Variants in INPPL1 observed in about 807,000 individuals in gnomAD.
INPPL1 encodes the protein phosphatidylinositol 3,4,5-trisphosphate 5-phosphatase 2.
A neutral mutation model predicts 139.3 loss-of-function variants in INPPL1; 91 were observed. That is an observed-to-expected ratio of 0.65 (90% CI 0.55 to 0.78). INPPL1 has a LOEUF of 0.78. Ranked by LOEUF, INPPL1 falls within the 30% of genes least tolerant of loss-of-function variation. The pLI is 0.00. For synonymous variants in INPPL1, 719 were observed against 686.6 expected (o/e 1.05, Z -0.74); for missense variants, 1,411 against 1,665.6 (o/e 0.85, Z 2.66).
chr11:72,233,209 G>T lies in INPPL1; in HGVS notation c.2040+46G>T, dbSNP rs376563069. The T allele has an allele frequency of 3.9e-6, 6 of 1,543,662 alleles. No individual in the cohort carries two copies. In the East Asian group the frequency reaches 1.1e-4, roughly 29 times the overall value. ...GGGCCTTGGGGGACCGCAGGCCTGC[G>T]ATGAATCAAGAATTTGGGTCAAGGG... On this transcript the variant is annotated intron_variant, in intron 17 of 27. Coordinates refer to ENST00000298229, the MANE Select transcript of INPPL1 (RefSeq NM_001567.4).
At chr11:72,233,400 C>T in intron 17 of INPPL1, 41 bp from the exon 18 acceptor site, 1 of 1,573,746 alleles carries the variant, frequency 6.4e-7, no homozygotes, top group South Asian at 1.1e-5. Context: ...AAGCAGCCTC[C>T]TAGCTGTCAG....
At chr11:72,225,376 T>G in intron 1 of INPPL1, 6 of 985,402 alleles carry the variant, frequency 6.1e-6, no homozygotes, top group Non-Finnish European at 6.0e-6. Context: ...TTCAGGAGCC[T>G]TGAGGGTAGA....
In INPPL1 at chr11:72,227,258, T is replaced by C. The variant is rs1358518692; in HGVS notation, c.183-932T>C. ...GCCTTAGGAAAATCACTTTTATTCTTTGAGCCTGTTTCCTCAGCTGGAGAA... is the reference window on the plus strand; with the variant it reads ...GCCTTAGGAAAATCACTTTTATTCTCTGAGCCTGTTTCCTCAGCTGGAGAA... On this transcript the variant is annotated intron_variant, in intron 1 of 27. Transcript: ENST00000298229. Among the ~76,000 whole-genome samples, 4 of 152,308 alleles carry C rather than the reference T, an allele frequency of 2.6e-5. No homozygotes were observed. The East Asian group carries it at 7.7e-4, about 29-fold the overall frequency.
At chr11:72,227,680 G>A (rs918175120) in intron 1 of INPPL1, among the ~76,000 whole-genome samples, 9 of 152,212 alleles carry the variant, frequency 5.9e-5, no homozygotes, top group Non-Finnish European at 1.2e-4. Flanking sequence ...TTGGTGGGAA[G>A]GCCTAGGGTG....
chr11:72,230,403 G>A lies in INPPL1; in HGVS notation c.1132G>A (p.Gly378Ser). 4 of 1,614,142 alleles carry A rather than the reference G, an allele frequency of 2.5e-6. No homozygotes were observed. Among genetic ancestry groups the A allele is most frequent in the Non-Finnish European group, 2.5e-6 (3 of 1,180,048 alleles). The change falls in exon 10 of 28, where the codon GGT becomes AGT. Residue 378 changes from glycine (G) to serine (S), a missense_variant. Coordinates refer to ENST00000298229, the MANE Select transcript of INPPL1 (RefSeq NM_001567.4). Reference sequence around the variant, plus strand: ...GTCCCAGCGTGTCCAGAACAAGCTGGGTGTTGTGTTTGAGAAGGAGAAGGA... The same window carrying A: ...GTCCCAGCGTGTCCAGAACAAGCTGAGTGTTGTGTTTGAGAAGGAGAAGGA... ...IKSQRVQNKL[G>S]VVFEKEKDRT...
rs759119596 is a variant in INPPL1 at position 72,235,381 on chromosome 11, A to G, written c.2589A>G (p.Thr863=). ...LTFLSHRGEE[T]GNIRGSMKVR... Reference sequence around the variant, plus strand: ...TCCTATCCCACCGTGGCGAGGAGACAGGCAATATCAGAGGCTCCATGAAGG... The same window carrying G: ...TCCTATCCCACCGTGGCGAGGAGACGGGCAATATCAGAGGCTCCATGAAGG... The change falls in exon 23 of 28, where the codon ACA becomes ACG. Residue 863 remains threonine (T), a synonymous_variant. Coordinates refer to ENST00000298229, the MANE Select transcript of INPPL1 (RefSeq NM_001567.4). The surrounding 1 kb of genome is among the most constrained non-coding windows in gnomAD (Gnocchi z 4.9). The G allele has an allele frequency of 3.7e-6, 6 of 1,613,984 alleles. No individual in the cohort carries two copies.
chr11:72,233,429 C>T lies in INPPL1; in HGVS notation c.2041-12C>T. On this transcript the variant is annotated splice_polypyrimidine_tract_variant and intron_variant, in intron 17 of 27. Coordinates refer to ENST00000298229, the MANE Select transcript of INPPL1 (RefSeq NM_001567.4). Reference sequence around the variant, plus strand: ...CTGTCAGCTCTAACCATGCTGCCATCCCCTGCCCCAGGTCCGGACCAATGT... The same window carrying T: ...CTGTCAGCTCTAACCATGCTGCCATTCCCTGCCCCAGGTCCGGACCAATGT... 6.2e-7 allele frequency: 1 copy of T among 1,613,238 alleles called. No homozygotes were observed. Among genetic ancestry groups the T allele is most frequent in the Non-Finnish European group, 8.5e-7 (1 of 1,179,292 alleles).
chr11:72,233,722 C>G lies in INPPL1; in HGVS notation c.2190C>G (p.Thr730=). The G allele has an allele frequency of 6.2e-7, 1 of 1,614,104 alleles. No individual in the cohort carries two copies. Among genetic ancestry groups the G allele is most frequent in the Non-Finnish European group, 8.5e-7 (1 of 1,179,964 alleles). ...PVFGTFEVGV[T]SQFISKKGLS... ...TTGGGACATTTGAGGTTGGAGTTAC[C>G]TCCCAGTTCATCTCCAAGAAAGGTG... The change falls in exon 19 of 28, where the codon ACC becomes ACG. Residue 730 remains threonine (T), a synonymous_variant. Transcript: ENST00000298229.
chr11:72,229,429 G>A (rs543320087), intron 5 of INPPL1, 36 bp from the exon 6 acceptor site: 18 of 1,591,792 alleles, frequency 1.1e-5, no homozygotes, highest in East Asian at 4.5e-5. Context: ...TACTTAGGTC[G>A]GGGTGGGAGT....
rs923420628 is a variant in INPPL1, at chr11:72,224,989, CCTCGG to C, written c.7_11del (p.Ser3LeufsTer70). 5.1e-6 allele frequency: 6 copies of C among 1,181,248 alleles called. No homozygotes were observed. The highest frequency in any genetic ancestry group is 6.3e-6 in the Non-Finnish European group (6 of 955,770). The allele number at this position is 1,181,248 out of a possible 1,614,324, so 73.2% of individuals were successfully genotyped here. A position where few individuals can be genotyped will look rare whatever the true frequency, so the allele number is the denominator to read the frequency against. ...GTGCTGAGCCCTGCGCGGGCCATGG[CCTCGG>C]CCTGCGGGGCGCCGGGCCCGGGGGG... is the stretch of plus-strand genomic sequence containing the variant. On this transcript the variant is annotated frameshift_variant, in exon 1 of 28. Transcript: ENST00000298229. LOFTEE classifies it high-confidence loss of function.
At chr11:72,227,078 C>CT (rs1228865379) in intron 1 of INPPL1, among the ~76,000 whole-genome samples, 1 of 152,178 alleles carries the variant, frequency 6.6e-6, no homozygotes, top group Non-Finnish European at 1.5e-5. Context: ...TACACACATA[C>CT]TTGCTTACCT....
rs780351983 is a variant in INPPL1 at position 72,229,576 on chromosome 11, C to A, written c.753+18C>A. On this transcript the variant is annotated intron_variant, in intron 6 of 27. Transcript: ENST00000298229. ...AGCAGCAGGTAGATTGTAGGGAGAC[C>A]TCTGGGAGGTGCGTTCGTGTTCTGG... is the stretch of plus-strand genomic sequence containing the variant. The A allele has an allele frequency of 3.7e-6, 6 of 1,613,358 alleles. No homozygotes were observed. The highest frequency in any genetic ancestry group is 5.1e-6 in the Non-Finnish European group (6 of 1,179,450).
chr11:72,235,799 G>T lies in INPPL1; in HGVS notation c.2738+46G>T. 6.2e-7 allele frequency: 1 copy of T among 1,613,568 alleles called. No homozygotes were observed. The highest frequency in any genetic ancestry group is 8.5e-7 in the Non-Finnish European group (1 of 1,179,766). The stretch of plus-strand genomic sequence containing the variant: ...ATGTCATATGAAAGGGTACCTGGGG[G>T]CATCTGGTCAACCCCACTTCATCTC... On this transcript the variant is annotated intron_variant, in intron 24 of 27. Coordinates refer to ENST00000298229, the MANE Select transcript of INPPL1 (RefSeq NM_001567.4). The surrounding 1 kb of genome is among the most constrained non-coding windows in gnomAD (Gnocchi z 4.9).
In INPPL1 at chr11:72,237,580, A is replaced by G. The variant is rs754954417; in HGVS notation, c.3336A>G (p.Glu1112=). ...GPSPASTFLG[E]VASGDDRSCS... Reference sequence around the variant, plus strand: ...CACCAGCCAGCACTTTCCTGGGGGAAGTGGCCAGTGGGGATGACCGGTCCT... The same window carrying G: ...CACCAGCCAGCACTTTCCTGGGGGAGGTGGCCAGTGGGGATGACCGGTCCT... Residue 1112 remains glutamate (E), a synonymous_variant, in exon 26 of 28, where the codon GAA becomes GAG. Transcript: ENST00000298229. 3 of 1,597,338 alleles carry G rather than the reference A, an allele frequency of 1.9e-6. No individual in the cohort carries two copies. Among genetic ancestry groups the G allele is most frequent in the African/African-American group, 1.3e-5 (1 of 74,776 alleles).
rs1348697467 is a variant in INPPL1, at chr11:72,235,901, T to C, written c.2794T>C (p.Phe932Leu). 6.2e-7 allele frequency: 1 copy of C among 1,613,246 alleles called. No homozygotes were observed. Among genetic ancestry groups the C allele is most frequent in the Admixed American group, 1.7e-5 (1 of 60,004 alleles). ...GGCCTCCTGCCCGCTCTCCAGGTTATTTGAAGAACCAGAGAAACCGCCACC... is the reference window on the plus strand; with the variant it reads ...GGCCTCCTGCCCGCTCTCCAGGTTACTTGAAGAACCAGAGAAACCGCCACC... ...TEASCPLSRL[F>L]EEPEKPPPTG... The change falls in exon 25 of 28, where the codon TTT becomes CTT. Residue 932 changes from phenylalanine (F) to leucine (L), a missense_variant. Transcript: ENST00000298229. The surrounding 1 kb of genome is among the most constrained non-coding windows in gnomAD (Gnocchi z 4.9).
chr11:72,231,004 C>T lies in INPPL1; in HGVS notation c.1312C>T (p.Pro438Ser). 3.7e-6 allele frequency: 6 copies of T among 1,613,462 alleles called. No homozygotes were observed. In the South Asian group the frequency reaches 6.6e-5, roughly 18 times the overall value. ...IGTWNMGSVPPPKNVTSWFTS... is the reference protein window; with the variant it reads ...IGTWNMGSVPSPKNVTSWFTS... The stretch of plus-strand genomic sequence containing the variant: ...CCCTTCACCTCCAGGAAGTGTACCA[C>T]CTCCAAAAAACGTGACATCCTGGTT... Residue 438 changes from proline to serine, a missense_variant, in exon 12 of 28, where the codon CCT (proline) becomes TCT (serine). Pro to Ser is a moderately conservative substitution (Grantham distance 74). Coordinates refer to ENST00000298229, the MANE Select transcript of INPPL1 (RefSeq NM_001567.4).
In INPPL1 at chr11:72,232,744, C is replaced by T. The variant is rs771815535; in HGVS notation, c.1831C>T (p.Arg611Cys). The change falls in exon 15 of 28, where the codon CGC (arginine) becomes TGC (cysteine). Residue 611 changes from arginine to cysteine, a missense_variant. Coordinates refer to ENST00000298229, the MANE Select transcript of INPPL1 (RefSeq NM_001567.4). The stretch of plus-strand genomic sequence containing the variant: ...CTTCTGGTTTGGGGACCTCAACTAC[C>T]GCCTGGACATGGATATCCAGGTGCG... The part of the protein sequence containing the change: ...HLFWFGDLNY[R>C]LDMDIQEILN... 19 of 1,613,886 alleles carry T rather than the reference C, an allele frequency of 1.2e-5. 1 individual carries two copies. The highest frequency in any genetic ancestry group is 3.3e-5 in the South Asian group (3 of 91,078).
chr11:72,235,542 T>C lies in INPPL1; in HGVS notation c.2659+91T>C, dbSNP rs1185942472. The C allele has an allele frequency of 6.4e-7, 1 of 1,555,828 alleles. No homozygotes were observed. On this transcript the variant is annotated intron_variant, in intron 23 of 27. Coordinates refer to ENST00000298229, the MANE Select transcript of INPPL1 (RefSeq NM_001567.4). The surrounding 1 kb of genome is among the most constrained non-coding windows in gnomAD (Gnocchi z 4.9). ...GGCATGTTGGAATCTCTGGGATACC[T>C]GGAGGTTCTGCAGCCACAGCTGGGA...
In INPPL1 at chr11:72,235,903, T is replaced by G. The variant is rs1555078415; in HGVS notation, c.2796T>G (p.Phe932Leu). ...CCTCCTGCCCGCTCTCCAGGTTATT[T>G]GAAGAACCAGAGAAACCGCCACCAA... ...TEASCPLSRL[F>L]EEPEKPPPTG... Residue 932 changes from phenylalanine (F) to leucine (L), a missense_variant, in exon 25 of 28, where the codon TTT becomes TTG. Around this residue, in one of 5 missense-constraint regions of INPPL1, gnomAD observed 99 missense variants for 171.6 expected, o/e 0.58. Coordinates refer to ENST00000298229, the MANE Select transcript of INPPL1 (RefSeq NM_001567.4). This position sits in a 1 kb window ranked among gnomAD's most constrained non-coding sequence, Gnocchi z 4.9. 2 of 1,613,226 alleles carry G rather than the reference T, an allele frequency of 1.2e-6. No individual in the cohort carries two copies.
Sources: allele counts gnomAD v4.1 joint callset (sites outside exome capture counted in the v4.1 genomes callset), GRCh38; gene constraint gnomAD v4.1.1; regional missense constraint gnomAD v4.1.1; non-coding constraint Gnocchi (gnomAD v3.1); transcripts MANE v1.5; gene names NCBI Gene and HGNC (gene_info 2026-07-23, HGNC 2026-07-21).